TTC7B: variants seen among roughly 807,000 people sequenced by gnomAD.
TTC7B encodes the protein tetratricopeptide repeat protein 7B.
A neutral mutation model predicts 106.8 loss-of-function variants in TTC7B; 28 were observed. That is an observed-to-expected ratio of 0.26 (90% confidence interval 0.19 to 0.36). TTC7B has a LOEUF of 0.36. Among genes scored for constraint, TTC7B ranks in the 10% least tolerant of loss-of-function variants. The pLI is 1.00. For missense variants in TTC7B, 862 were observed against 1,076.4 expected (o/e 0.80, Z 2.79); for synonymous variants, 405 against 430.6 (o/e 0.94, Z 0.74).
At position 90,562,516 on chromosome 14, in the gene TTC7B, A is replaced by G. The variant is rs2139785780; in HGVS notation, c.2310+15590T>C. Among the ~76,000 whole-genome samples, 3 of 152,336 alleles carry G rather than the reference A, an allele frequency of 2.0e-5. 1 individual carries two copies. In the South Asian group the frequency reaches 6.2e-4, roughly 32 times the overall value. On this transcript the variant is annotated intron_variant, in intron 19 of 19. Coordinates refer to ENST00000328459, the MANE Select transcript of TTC7B (RefSeq NM_001010854.2). ...CTCACTTGTTTAAACTGTATCTTGA[A>G]AAAGTTCCAACCTGCAGAAAAGCAG...
At chr14:90,611,013 G>A (rs1022467007) in intron 16 of TTC7B, among the ~76,000 whole-genome samples, 174 bp from the exon 17 acceptor site, 4 of 152,088 alleles carry the variant, frequency 2.6e-5, no homozygotes, top group Non-Finnish European at 2.9e-5. Flanking sequence ...CCTGGGCTGC[G>A]ATTCCTTTCA....
intron 2 of TTC7B, among the ~76,000 whole-genome samples, chr14:90,785,533 C>T (rs190302875): frequency 1.3e-5 from 2 of 151,934 alleles, no homozygotes; most frequent in African/African-American, 2.4e-5. Flanking sequence ...GAGATGACCC[C>T]CATGAAAAGC....
At chr14:90,748,691 T>C (rs1186709601) in intron 3 of TTC7B, among the ~76,000 whole-genome samples, 1 of 152,216 alleles carries the variant, frequency 6.6e-6, no homozygotes, top group African/African-American at 2.4e-5. Context: ...AATTACATAC[T>C]TCCATTTCTC....
In TTC7B at chr14:90,674,913, T is replaced by C. The variant is rs117293198; in HGVS notation, c.1152+1610A>G. 2.5e-3 allele frequency among the ~76,000 whole-genome samples: 378 copies of C among 152,224 alleles called. 10 individuals are homozygous for C. The East Asian group carries it at 0.035, about 14-fold the overall frequency. ...TTCCCGCAACTACACTACCCAGTCA[T>C]TTGGGAGGCAGGTGACCACCACGAG... On this transcript the variant is annotated intron_variant, in intron 9 of 19. Transcript: ENST00000328459.
intron 18 of TTC7B, among the ~76,000 whole-genome samples, chr14:90,580,520 T>C (rs922268810): frequency 6.6e-6 from 1 of 152,096 alleles, no homozygotes; most frequent in Admixed American, 6.5e-5. Context: ...CAGGGTGATA[T>C]CCGACTCCTC....
rs1035562538 is a variant in TTC7B at position 90,805,229 on chromosome 14, G to C, written c.121+10946C>G. Among the ~76,000 whole-genome samples, 6 of 152,234 alleles carry C rather than the reference G, an allele frequency of 3.9e-5. No homozygotes were observed. Among genetic ancestry groups the C allele is most frequent in the African/African-American group, 1.4e-4 (6 of 41,462 alleles). ...CTGGCACACAGTAGGTGTTCAGTAA[G>C]AGCTCGATGAGTAATGAATCTAAGT... On this transcript the variant is annotated intron_variant, in intron 1 of 19. Coordinates refer to ENST00000328459, the MANE Select transcript of TTC7B (RefSeq NM_001010854.2). This position sits in a 1 kb window ranked among gnomAD's most constrained non-coding sequence, Gnocchi z 4.0.
intron 9 of TTC7B, among the ~76,000 whole-genome samples, chr14:90,662,456 T>C (rs1886247901): frequency 6.6e-6 from 1 of 152,192 alleles, no homozygotes; most frequent in Non-Finnish European, 1.5e-5. Context: ...GCCCCGAAGG[T>C]ACGCCCATTC....
At chr14:90,681,488 C>CAA (rs35635095) in intron 7 of TTC7B, among the ~76,000 whole-genome samples, 84 of 141,208 alleles carry the variant, frequency 5.9e-4, no homozygotes, top group South Asian at 3.3e-3. Context: ...CAATAAAAGG[C>CAA]AAAAAAAAAA....
At chr14:90,695,030 TTTTTTATTTTATTATAAA>T (rs879611934) in intron 6 of TTC7B, among the ~76,000 whole-genome samples, 11,445 of 48,334 alleles carry the variant, frequency 0.24, 223 homozygotes, top group Middle Eastern at 0.29. Flanking sequence ...TATATGTATA[TTTTTTATTTTATTATAAA>T]ATATATTTTA....
At chr14:90,702,083 GA>G (rs2139956074) in intron 5 of TTC7B, among the ~76,000 whole-genome samples, 1 of 152,260 alleles carries the variant, frequency 6.6e-6, no homozygotes, top group African/African-American at 2.4e-5. Flanking sequence ...CGAATGTAAA[GA>G]GACAAAATAG....
chr14:90,609,626 C>T (rs1892796275), intron 17 of TTC7B, among the ~76,000 whole-genome samples: 1 of 152,136 alleles, frequency 6.6e-6, no homozygotes, highest in Non-Finnish European at 1.5e-5. Context: ...CCTCGTGGTC[C>T]CTGTCATGCA....
intron 19 of TTC7B, among the ~76,000 whole-genome samples, chr14:90,558,679 C>T (rs1458035204): frequency 1.3e-5 from 2 of 152,242 alleles, no homozygotes; most frequent in African/African-American, 2.4e-5. Flanking sequence ...CCCCAAAGGG[C>T]GGGGTCTCCC....
At chr14:90,723,152 C>CCA (rs1888960311) in intron 5 of TTC7B, among the ~76,000 whole-genome samples, 1 of 152,208 alleles carries the variant, frequency 6.6e-6, no homozygotes, top group South Asian at 2.1e-4. Context: ...CTCCTTGTCT[C>CCA]CACGCATCTA....
intron 5 of TTC7B, among the ~76,000 whole-genome samples, chr14:90,726,381 C>T (rs1889103299): frequency 6.6e-6 from 1 of 152,174 alleles, no homozygotes. Context: ...TGCCTTAAGC[C>T]AGCGCCACTG....
chr14:90,776,169 A>ACACACACACG, intron 3 of TTC7B, among the ~76,000 whole-genome samples: 1 of 149,594 alleles, frequency 6.7e-6, no homozygotes, highest in South Asian at 2.1e-4. Context: ...ACACACACAC[A>ACACACACACG]CACACACGCC....
chr14:90,674,107 A>C (rs1886733922), intron 9 of TTC7B, among the ~76,000 whole-genome samples: 1 of 152,238 alleles, frequency 6.6e-6, no homozygotes, highest in South Asian at 2.1e-4. Context: ...AATTAAAAAA[A>C]AAATCCAGTT....
Position 90,652,913 on chromosome 14 carries a change from C to T in TTC7B, c.1460-15G>A, listed in dbSNP as rs202074824. On this transcript the variant is annotated splice_polypyrimidine_tract_variant and intron_variant, in intron 12 of 19. Transcript: ENST00000328459. ...TCGCAAAGAAGCTAAGAAAAGGGTT[C>T]AATTAGTCAGTGGCATGGGGGATCA... 1 of 1,614,072 alleles carries T rather than the reference C, an allele frequency of 6.2e-7. No individual in the cohort carries two copies. The highest frequency in any genetic ancestry group is 2.2e-5 in the East Asian group (1 of 44,882).
intron 1 of TTC7B, among the ~76,000 whole-genome samples, chr14:90,804,578 A>C (rs2030492972): frequency 6.6e-6 from 1 of 152,192 alleles, no homozygotes; most frequent in African/African-American, 2.4e-5. Context: ...GCGGTGGAGC[A>C]GAGGCTAGGA....
At chr14:90,784,784 A>AC (rs955160857) in intron 2 of TTC7B, among the ~76,000 whole-genome samples, 5 of 151,928 alleles carry the variant, frequency 3.3e-5, no homozygotes, top group Middle Eastern at 3.2e-3. Context: ...CTCTCCAGCC[A>AC]CCCCCTAGGG....
Sources: gnomAD v4.1 joint callset for allele counts (sites outside exome capture counted in the v4.1 genomes callset) on GRCh38, gnomAD v4.1.1 for gene constraint, Gnocchi (gnomAD v3.1) non-coding constraint, MANE v1.5 for transcripts, NCBI Gene and HGNC (gene_info 2026-07-23, HGNC 2026-07-21) for gene names.